The following APBB2 variants were observed in gnomAD, a reference collection of about 807,000 sequenced individuals.
The protein encoded by APBB2 is amyloid beta precursor protein binding family B member 2, also known as Fe65-like 1.
APBB2 carries 38 observed loss-of-function variants against 82.5 expected under a neutral mutation model. The observed-to-expected ratio is 0.46, with a 90% CI of 0.36 to 0.60. The LOEUF (loss-of-function observed/expected upper bound fraction) is 0.60. APBB2 is among the 20% of genes least tolerant of loss of function. APBB2 has a pLI of 0.00. For synonymous variants in APBB2, 341 were observed against 368.2 expected, an observed-to-expected ratio of 0.93 and a Z score of 0.85; for missense variants, 772 against 972.3, an observed-to-expected ratio of 0.79 and a Z score of 2.74.
chr4:40,904,683 G>GT (rs138434688), intron 10 of APBB2, among the ~76,000 whole-genome samples: 76 of 114,032 alleles, frequency 6.7e-4, no homozygotes, highest in African/African-American at 2.3e-3. Flanking sequence ...CTTTGTTATT[G>GT]CTTTTTTTTT....
intron 12 of APBB2, chr4:40,856,932 T>G: frequency 2.0e-6 from 2 of 985,138 alleles, no homozygotes; most frequent in Non-Finnish European, 2.4e-6. Flanking sequence ...CGCGCCCGCC[T>G]CGCTGTCCCC....
intron 1 of APBB2, among the ~76,000 whole-genome samples, chr4:41,165,093 G>A (rs766358404): frequency 6.6e-6 from 1 of 152,146 alleles, no homozygotes; most frequent in African/African-American, 2.4e-5. Context: ...CAAAAACAGC[G>A]ATTATTTTAT....
At position 41,014,081 on chromosome 4, in the gene APBB2, GCT is replaced by G. The variant is rs1486338954; in HGVS notation, c.335_336del (p.Glu112AlafsTer21). 2 of 1,614,214 alleles carry G rather than the reference GCT, an allele frequency of 1.2e-6. No individual in the cohort carries two copies. Among genetic ancestry groups the G allele is most frequent in the Non-Finnish European group, 1.7e-6 (2 of 1,180,046 alleles). On this transcript the variant is annotated frameshift_variant, in exon 6 of 18. Transcript: ENST00000508593. LOFTEE classifies it high-confidence loss of function. ...TTTTTGTTGGGGTCCTGCTGCCCTT[GCT>G]CTGCAGCCTTACGGAGCTGGTTCTC... The part of the protein sequence containing the change: ...NGENQLRKAA[E>X]QGQQDPNKNL...
intron 10 of APBB2, among the ~76,000 whole-genome samples, chr4:40,903,279 G>T (rs1442151131): frequency 6.6e-6 from 1 of 150,738 alleles, no homozygotes; most frequent in East Asian, 2.0e-4. Flanking sequence ...TGGCCAACAT[G>T]GCAAAACTCC....
At chr4:40,819,619 AT>A (rs1198702490) in intron 17 of APBB2, among the ~76,000 whole-genome samples, 7 of 152,174 alleles carry the variant, frequency 4.6e-5, no homozygotes, top group South Asian at 2.1e-4. Context: ...CTTAAAAAAA[AT>A]AAAATAAAAT....
chr4:40,957,081 A>C (rs1791825005), intron 6 of APBB2, among the ~76,000 whole-genome samples: 1 of 152,248 alleles, frequency 6.6e-6, no homozygotes, highest in Non-Finnish European at 1.5e-5. Flanking sequence ...TCTTTGTAAG[A>C]CAGGACTGAT....
At position 40,827,121 on chromosome 4, in the gene APBB2, C is replaced by G. The variant is rs1577720770; in HGVS notation, c.1732+11G>C. 1 of 1,613,294 alleles carries G rather than the reference C, an allele frequency of 6.2e-7. No homozygotes were observed. Among genetic ancestry groups the G allele is most frequent in the East Asian group, 2.2e-5 (1 of 44,868 alleles). Reference sequence around the variant, plus strand: ...GGGCCATAATGAAGACATGAGGTGCCACTGACTTACCTTGCAAAGGGACAT... The same window carrying G: ...GGGCCATAATGAAGACATGAGGTGCGACTGACTTACCTTGCAAAGGGACAT... On this transcript the variant is annotated intron_variant, in intron 14 of 17. Coordinates refer to ENST00000508593, the MANE Select transcript of APBB2 (RefSeq NM_004307.2).
intron 6 of APBB2, 48 bp downstream of exon 6, chr4:41,013,535 A>AT (rs747320763): frequency 6.0e-6 from 9 of 1,494,028 alleles, no homozygotes; most frequent in Admixed American, 1.9e-5. Context: ...AGTTGAAAAG[A>AT]TAAAAAAAAA....
At chr4:40,979,672 G>C (rs1798011513) in intron 6 of APBB2, among the ~76,000 whole-genome samples, 5 of 152,184 alleles carry the variant, frequency 3.3e-5, no homozygotes, top group Admixed American at 2.6e-4. Context: ...AAGGACCAAA[G>C]GGCAGCCTCT....
At position 41,070,838 on chromosome 4, in the gene APBB2, C is replaced by T. The variant is rs1026301893; in HGVS notation, c.-148-5165G>A. On this transcript the variant is annotated intron_variant, in intron 3 of 17. Coordinates refer to ENST00000508593, the MANE Select transcript of APBB2 (RefSeq NM_004307.2). ...TGAGACTTCTTTCTACTCTTAAGAA[C>T]GCTAAGATCAAGATAAATATACGCT... 3.2e-4 allele frequency among the ~76,000 whole-genome samples: 49 copies of T among 152,000 alleles called. 1 individual carries two copies. The highest frequency in any genetic ancestry group is 5.9e-4 in the Admixed American group (9 of 15,258).
At chr4:40,827,305 C>T (rs1431741001) in intron 13 of APBB2, 86 bp from the exon 14 acceptor site, 4 of 1,151,950 alleles carry the variant, frequency 3.5e-6, no homozygotes, top group South Asian at 1.3e-5. Flanking sequence ...TCTAGGTTGA[C>T]TTCACTTCCA....
intron 6 of APBB2, among the ~76,000 whole-genome samples, chr4:40,991,817 T>A (rs1802169524): frequency 6.6e-6 from 1 of 152,164 alleles, no homozygotes; most frequent in South Asian, 2.1e-4. Flanking sequence ...AGAGGGCATT[T>A]CACTTGAAGA....
chr4:41,143,324 T>C (rs1024260492), intron 1 of APBB2, among the ~76,000 whole-genome samples, 182 bp from the exon 2 acceptor site: 11 of 152,216 alleles, frequency 7.2e-5, no homozygotes, highest in African/African-American at 9.6e-5. Context: ...GAGGGGAGGA[T>C]TGAAATATTT....
At chr4:40,982,455 ATGAATGAATTTG>A (rs1799324807) in intron 6 of APBB2, among the ~76,000 whole-genome samples, 1 of 71,762 alleles carries the variant, frequency 1.4e-5, no homozygotes, top group Non-Finnish European at 3.0e-5. Flanking sequence ...GAAAGAAAGA[ATGAATGAATTTG>A]AGACCAGAGA....
chr4:41,025,920 C>A (rs551691508), intron 5 of APBB2, among the ~76,000 whole-genome samples: 5 of 117,520 alleles, frequency 4.3e-5, no homozygotes, highest in Non-Finnish European at 8.1e-5. Context: ...CCAGCCTGGG[C>A]GAAAGAGTGA....
At chr4:40,991,852 AGGTG>A (rs1275742418) in intron 6 of APBB2, among the ~76,000 whole-genome samples, 1 of 152,152 alleles carries the variant, frequency 6.6e-6, no homozygotes, top group Non-Finnish European at 1.5e-5. Flanking sequence ...TCCCTTCAGA[AGGTG>A]GGCTGAGGTT....
At chr4:41,151,077 C>T (rs1762153509) in intron 1 of APBB2, among the ~76,000 whole-genome samples, 1 of 152,178 alleles carries the variant, frequency 6.6e-6, no homozygotes, top group Admixed American at 6.5e-5. Context: ...TAACTCCATA[C>T]TGCATCCATG....
intron 5 of APBB2, among the ~76,000 whole-genome samples, chr4:41,029,244 T>C (rs994382133): frequency 2.6e-5 from 4 of 152,224 alleles, no homozygotes; most frequent in Non-Finnish European, 4.4e-5. Flanking sequence ...TGAAATAAAC[T>C]CTGATTTTTC....
intron 6 of APBB2, among the ~76,000 whole-genome samples, chr4:40,993,541 T>C (rs941414257): frequency 6.6e-6 from 1 of 151,712 alleles, no homozygotes; most frequent in African/African-American, 2.4e-5. Context: ...CGTGCCATCA[T>C]ACCCAGCTAA....
Sources: allele counts gnomAD v4.1 joint callset (sites outside exome capture counted in the v4.1 genomes callset), GRCh38; gene constraint gnomAD v4.1.1; transcripts MANE v1.5; gene names NCBI Gene and HGNC (gene_info 2026-07-23, HGNC 2026-07-21).